Variants in IMMP2L observed in about 807,000 individuals in gnomAD.
IMMP2L encodes the protein mitochondrial inner membrane protease subunit 2.
In IMMP2L, 18 loss-of-function variants were observed where a neutral mutation model predicts 19.3. That is an observed-to-expected ratio of 0.93 (90% confidence interval 0.64 to 1.38). The LOEUF is 1.38. IMMP2L is among the 40% of genes most tolerant of loss of function. The probability of loss-of-function intolerance (pLI) is 0.00; values close to 1 mark genes in which losing one functional copy is unlikely to be tolerated. For missense variants in IMMP2L, 233 were observed against 218.2 expected (o/e 1.07, Z -0.43); for synonymous variants, 76 against 73.0 (o/e 1.04, Z -0.21).
At position 111,559,129 on chromosome 7, in the gene IMMP2L, T is replaced by C. The variant is rs150490717; in HGVS notation, c.-3+2722A>G. On this transcript the variant is annotated intron_variant, in intron 1 of 5. Transcript: ENST00000405709. The stretch of plus-strand genomic sequence containing the variant: ...CTTATGAGAGAAATGCCACAAACTA[T>C]AGCAGTACAGTTAATATGCCTATAA... 2.1e-3 allele frequency among the ~76,000 whole-genome samples: 319 copies of C among 152,244 alleles called. 3 individuals are homozygous for C. Among genetic ancestry groups the C allele is most frequent in the African/African-American group, 7.3e-3 (302 of 41,566 alleles).
intron 3 of IMMP2L, among the ~76,000 whole-genome samples, chr7:111,012,420 T>C (rs1024260609): frequency 1.3e-5 from 2 of 152,162 alleles, no homozygotes; most frequent in South Asian, 4.1e-4. Context: ...AAATTTCACC[T>C]AGGCAAATAA....
At chr7:111,171,814 T>C (rs1271648503) in intron 3 of IMMP2L, among the ~76,000 whole-genome samples, 2 of 151,304 alleles carry the variant, frequency 1.3e-5, no homozygotes, top group Non-Finnish European at 3.0e-5. Flanking sequence ...TAAAAGCAGA[T>C]AGAACTGTAA....
chr7:111,180,567 A>G (rs1807595135), intron 3 of IMMP2L, among the ~76,000 whole-genome samples: 2 of 152,080 alleles, frequency 1.3e-5, no homozygotes, highest in Admixed American at 1.3e-4. Context: ...TGCAAGAATT[A>G]CCAAAATGTG....
intron 5 of IMMP2L, among the ~76,000 whole-genome samples, chr7:110,845,654 T>C (rs1312923360): frequency 6.6e-6 from 1 of 152,158 alleles, no homozygotes; most frequent in African/African-American, 2.4e-5. Flanking sequence ...CTTGAATTCT[T>C]TGCAGTGCTT....
In IMMP2L at chr7:111,539,270, GA is replaced by G. The variant is rs1563331612; in HGVS notation, c.-2-17822del. Among the ~76,000 whole-genome samples, 302 of 144,326 alleles carry G rather than the reference GA, an allele frequency of 2.1e-3. 6 individuals are homozygous for G. Among genetic ancestry groups the G allele is most frequent in the African/African-American group, 2.8e-3 (108 of 38,342 alleles). 94.7% of individuals were successfully genotyped at this position (144,326 alleles called of 152,430 possible). A position where few individuals can be genotyped will look rare whatever the true frequency, so the allele number is the denominator to read the frequency against. ...AGAAAGAAAGAAAGAAAGAAAGAAA[GA>G]GAACATACGTCGATTACTACATATA... On this transcript the variant is annotated intron_variant, in intron 1 of 5. Transcript: ENST00000405709.
intron 4 of IMMP2L, among the ~76,000 whole-genome samples, chr7:110,932,927 G>C (rs1030679683): frequency 1.1e-4 from 16 of 152,252 alleles, no homozygotes; most frequent in African/African-American, 3.9e-4. Flanking sequence ...TGCAATAGGA[G>C]GGTGAACCTG....
At chr7:111,386,771 G>A (rs6961470) in intron 3 of IMMP2L, among the ~76,000 whole-genome samples, 6,626 of 152,104 alleles carry the variant, frequency 0.044, 504 homozygotes, top group African/African-American at 0.15. Context: ...TGTGTTCCTT[G>A]AAGGTTATGT....
At chr7:111,422,624 C>G (rs759866148) in intron 3 of IMMP2L, among the ~76,000 whole-genome samples, 1 of 151,776 alleles carries the variant, frequency 6.6e-6, no homozygotes, top group African/African-American at 2.4e-5. Context: ...TGGGTTGAGA[C>G]GATAGTCTTT....
In IMMP2L at chr7:110,997,111, C is replaced by T. The variant is rs185043621; in HGVS notation, c.240-33546G>A. ...ACCTTGGCAAGCACTAATCTGTTCT[C>T]TATCTCTATAATGTTGTCATTTCAA... is the stretch of plus-strand genomic sequence containing the variant. On this transcript the variant is annotated intron_variant, in intron 3 of 5. Coordinates refer to ENST00000405709, the MANE Select transcript of IMMP2L (RefSeq NM_032549.4). 1.1e-3 allele frequency among the ~76,000 whole-genome samples: 164 copies of T among 152,128 alleles called. 1 individual carries two copies. The highest frequency in any genetic ancestry group is 3.5e-3 in the African/African-American group (144 of 41,530).
At chr7:111,166,257 T>C (rs1351777172) in intron 3 of IMMP2L, among the ~76,000 whole-genome samples, 1 of 152,018 alleles carries the variant, frequency 6.6e-6, no homozygotes, top group African/African-American at 2.4e-5. Context: ...CTATAGTCTC[T>C]ACATAGATTT....
At chr7:110,997,248 T>C (rs547997509) in intron 3 of IMMP2L, among the ~76,000 whole-genome samples, 54 of 152,278 alleles carry the variant, frequency 3.5e-4, no homozygotes, top group African/African-American at 1.3e-3. Context: ...TATTGCTGAA[T>C]TGTATTTCAT....
intron 2 of IMMP2L, among the ~76,000 whole-genome samples, chr7:111,513,025 T>C (rs1845587795): frequency 1.3e-5 from 2 of 151,928 alleles, no homozygotes; most frequent in Non-Finnish European, 2.9e-5. Context: ...GAAGAAAACA[T>C]AGGGAGAAAA....
intron 3 of IMMP2L, among the ~76,000 whole-genome samples, chr7:111,406,808 T>G (rs973567436): frequency 6.6e-6 from 1 of 151,988 alleles, no homozygotes; most frequent in Non-Finnish European, 1.5e-5. Context: ...GATTCTGGGA[T>G]TTGCATGCAT....
At chr7:111,384,073 G>T (rs1333796082) in intron 3 of IMMP2L, among the ~76,000 whole-genome samples, 1 of 152,026 alleles carries the variant, frequency 6.6e-6, no homozygotes, top group African/African-American at 2.4e-5. Context: ...GAGATCAGGA[G>T]TTTGAGGTTG....
At chr7:110,663,932 T>C (rs1009239120) in intron 5 of IMMP2L, among the ~76,000 whole-genome samples, 3 of 152,190 alleles carry the variant, frequency 2.0e-5, no homozygotes, top group African/African-American at 2.4e-5. Context: ...TGCTATTGTA[T>C]ATAAACTCCT....
At chr7:110,736,099 A>G (rs927631182) in intron 5 of IMMP2L, among the ~76,000 whole-genome samples, 2 of 152,142 alleles carry the variant, frequency 1.3e-5, no homozygotes, top group African/African-American at 4.8e-5. Flanking sequence ...CTGTGGCTCA[A>G]GTAGGCCCAG....
intron 3 of IMMP2L, among the ~76,000 whole-genome samples, chr7:111,169,908 G>A (rs1266347727): frequency 6.6e-6 from 1 of 151,678 alleles, no homozygotes; most frequent in Non-Finnish European, 1.5e-5. Context: ...GTCTCCTTTT[G>A]TTTGTTGTTC....
intron 3 of IMMP2L, among the ~76,000 whole-genome samples, chr7:110,970,405 C>T (rs1369805740): frequency 2.0e-5 from 3 of 151,996 alleles, no homozygotes; most frequent in African/African-American, 4.8e-5. Context: ...AAACAATATA[C>T]AGCACATATG....
chr7:110,962,656 C>T (rs1479996944), intron 4 of IMMP2L: 1 of 896,886 alleles, frequency 1.1e-6, no homozygotes, highest in East Asian at 1.1e-4. Context: ...CAGTGGGGAT[C>T]CCCTGGGATC....
Sources: gnomAD v4.1 joint callset for allele counts (sites outside exome capture counted in the v4.1 genomes callset) on GRCh38, gnomAD v4.1.1 for gene constraint, MANE v1.5 for transcripts, NCBI Gene and HGNC (gene_info 2026-07-23, HGNC 2026-07-21) for gene names.